PRKCB: variants seen among roughly 807,000 people sequenced by gnomAD.
PRKCB encodes the protein protein kinase C beta type.
A neutral mutation model predicts 81.5 loss-of-function variants in PRKCB; 13 were observed. The ratio of observed to expected loss-of-function variants is 0.16; its 90% CI spans 0.10 to 0.25. The LOEUF (loss-of-function observed/expected upper bound fraction) is 0.25, where lower values mean the gene tolerates loss of function less well. Among genes scored for constraint, PRKCB ranks in the 10% least tolerant of loss-of-function variants. The pLI, the probability that PRKCB is intolerant of heterozygous loss-of-function variation, is 1.00. For synonymous variants in PRKCB, 335 were observed against 321.4 expected, an observed-to-expected ratio of 1.04 and a Z score of -0.45; for missense variants, 509 against 875.7, an observed-to-expected ratio of 0.58 and a Z score of 5.29.
intron 7 of PRKCB, among the ~76,000 whole-genome samples, chr16:24,098,021 G>T (rs1966464298): frequency 6.6e-6 from 1 of 152,124 alleles, no homozygotes; most frequent in Non-Finnish European, 1.5e-5. Flanking sequence ...AAAAGGAAGG[G>T]GATATAATGA....
intron 2 of PRKCB, among the ~76,000 whole-genome samples, chr16:23,974,060 A>C (rs2141805511): frequency 6.6e-6 from 1 of 152,254 alleles, no homozygotes; most frequent in South Asian, 2.1e-4. Flanking sequence ...TCTCATATAT[A>C]TATATTTGCT....
At chr16:24,164,000 C>T (rs559181616) in intron 10 of PRKCB, among the ~76,000 whole-genome samples, 115 of 152,176 alleles carry the variant, frequency 7.6e-4, no homozygotes, top group Non-Finnish European at 1.5e-3. Context: ...AGCTTCCAGA[C>T]GGGATGAATC....
At chr16:24,066,015 T>C (rs1295988210) in intron 5 of PRKCB, among the ~76,000 whole-genome samples, 1 of 152,050 alleles carries the variant, frequency 6.6e-6, no homozygotes, top group Non-Finnish European at 1.5e-5. Flanking sequence ...CTTTATGCAA[T>C]CTGTATGATT....
At chr16:24,061,547 T>G (rs1187754249) in intron 5 of PRKCB, among the ~76,000 whole-genome samples, 1 of 152,190 alleles carries the variant, frequency 6.6e-6, no homozygotes, top group Non-Finnish European at 1.5e-5. Context: ...TTCCACGAGC[T>G]ATTTCCAGGG....
intron 2 of PRKCB, among the ~76,000 whole-genome samples, chr16:23,846,754 AC>A (rs1327823961): frequency 6.6e-6 from 1 of 151,926 alleles, no homozygotes; most frequent in East Asian, 1.9e-4. Context: ...CTCCTTGTGA[AC>A]AGAGAAGGGA....
At chr16:23,869,338 T>A in intron 2 of PRKCB, 1 of 302,314 alleles carries the variant, frequency 3.3e-6, no homozygotes, top group Non-Finnish European at 6.7e-6. Flanking sequence ...ACAACTGCAG[T>A]GACACGTAGC....
intron 5 of PRKCB, among the ~76,000 whole-genome samples, chr16:24,042,838 A>G (rs1027209831): frequency 6.6e-6 from 1 of 151,722 alleles, no homozygotes; most frequent in African/African-American, 2.4e-5. Context: ...CCCAGGCTCA[A>G]TTGATTCTCC....
At chr16:23,963,069 A>G (rs2141792844) in intron 2 of PRKCB, 1 of 152,346 alleles carries the variant, frequency 6.6e-6, no homozygotes, top group South Asian at 2.1e-4. Context: ...TGCAAAGGCC[A>G]TTATTTCGTT....
intron 2 of PRKCB, among the ~76,000 whole-genome samples, chr16:23,899,349 T>C (rs1034375040): frequency 2.0e-5 from 3 of 152,192 alleles, no homozygotes; most frequent in African/African-American, 7.2e-5. Context: ...TACATTCCAT[T>C]CCTTATCCAT....
At chr16:23,935,189 A>T (rs956373986) in intron 2 of PRKCB, among the ~76,000 whole-genome samples, 11 of 152,162 alleles carry the variant, frequency 7.2e-5, no homozygotes, top group Admixed American at 3.3e-4. Context: ...AAATGCCCCA[A>T]TGCCCTGCCT....
Position 24,121,561 on chromosome 16 carries a change from G to T in PRKCB, c.919-2274G>T, listed in dbSNP as rs111624423. On this transcript the variant is annotated intron_variant, in intron 8 of 16. Transcript: ENST00000643927. ...GTCCAGCTAATTAAACTTTTTTTTT[G>T]AGATAGGGTCTGGCTGTGTTGCCCA... 4.5e-3 allele frequency among the ~76,000 whole-genome samples: 685 copies of T among 151,938 alleles called. 5 individuals are homozygous for T. Among genetic ancestry groups the T allele is most frequent in the African/African-American group, 0.015 (618 of 41,454 alleles).
At chr16:24,070,251 C>A (rs542854892) in intron 5 of PRKCB, among the ~76,000 whole-genome samples, 1 of 151,176 alleles carries the variant, frequency 6.6e-6, no homozygotes, top group African/African-American at 2.4e-5. Context: ...TGGGTTCAAG[C>A]GATTCTTGTG....
intron 14 of PRKCB, 56 bp from the exon 15 acceptor site, chr16:24,185,404 C>A: frequency 6.6e-7 from 1 of 1,506,154 alleles, no homozygotes; most frequent in Non-Finnish European, 9.2e-7. Flanking sequence ...TTGAGGGGAG[C>A]TAGGGGGAGG....
At chr16:23,917,760 G>T (rs1436602152) in intron 2 of PRKCB, among the ~76,000 whole-genome samples, 1 of 152,236 alleles carries the variant, frequency 6.6e-6, no homozygotes, top group Non-Finnish European at 1.5e-5. Context: ...CGCAGGCCCA[G>T]AGAGAGGATC....
intron 2 of PRKCB, among the ~76,000 whole-genome samples, chr16:23,880,127 G>A (rs752590381): frequency 6.6e-5 from 10 of 152,138 alleles, no homozygotes; most frequent in Non-Finnish European, 1.5e-4. Flanking sequence ...CCCTAAGCCA[G>A]GCAGCATGGT....
chr16:24,031,033 C>T (rs934100629), intron 3 of PRKCB, among the ~76,000 whole-genome samples: 1 of 152,166 alleles, frequency 6.6e-6, no homozygotes, highest in Non-Finnish European at 1.5e-5. Flanking sequence ...CACTGCACTC[C>T]AGCCTGGGTG....
intron 9 of PRKCB, among the ~76,000 whole-genome samples, chr16:24,137,427 G>A (rs1163346298): frequency 6.6e-6 from 1 of 152,088 alleles, no homozygotes; most frequent in Non-Finnish European, 1.5e-5. Context: ...GGCCACCAGC[G>A]ATCCTCCTGC....
intron 2 of PRKCB, among the ~76,000 whole-genome samples, chr16:23,984,055 C>G (rs1310733861): frequency 6.6e-6 from 1 of 152,036 alleles, no homozygotes; most frequent in African/African-American, 2.4e-5. Flanking sequence ...AATGATGGGA[C>G]TAAATATAAA....
intron 3 of PRKCB, among the ~76,000 whole-genome samples, chr16:24,001,949 A>T (rs1965039848): frequency 6.6e-6 from 1 of 152,176 alleles, no homozygotes; most frequent in Non-Finnish European, 1.5e-5. Context: ...ATACTTTTCC[A>T]TTTCTGCTTT....
Sources: gnomAD v4.1 joint callset for allele counts (sites outside exome capture counted in the v4.1 genomes callset) on GRCh38, gnomAD v4.1.1 for gene constraint, MANE v1.5 for transcripts, NCBI Gene and HGNC (gene_info 2026-07-23, HGNC 2026-07-21) for gene names.